Variants in EP400 observed in about 807,000 individuals in gnomAD.
EP400 encodes the protein E1A-binding protein p400.
In EP400, 105 loss-of-function variants were observed where a neutral mutation model predicts 354.1. That is an observed-to-expected ratio of 0.30 (90% CI 0.25 to 0.35). EP400 has a LOEUF of 0.35. EP400 is among the 10% of genes least tolerant of loss of function. The pLI is 1.00. For synonymous variants in EP400, 1,646 were observed against 1,716.9 expected (o/e 0.96, Z 1.02); for missense variants, 3,280 against 4,121.0 (o/e 0.80, Z 5.59).
Position 132,029,647 on chromosome 12 carries a change from T to A in EP400, c.5382-54T>A. 1 of 1,577,214 alleles carries A rather than the reference T, an allele frequency of 6.3e-7. No homozygotes were observed. Among genetic ancestry groups the A allele is most frequent in the Non-Finnish European group, 8.7e-7 (1 of 1,153,538 alleles). On this transcript the variant is annotated intron_variant, in intron 27 of 52. Transcript: ENST00000389561. The surrounding 1 kb of genome is among the most constrained non-coding windows in gnomAD (Gnocchi z 4.7). ...CCCCATCTTTCAGGAGCCCCCATGC[T>A]GGGTGAAGGTGTGTGGCTCCTGGTG... is the stretch of plus-strand genomic sequence containing the variant.
Position 132,005,193 on chromosome 12 carries a change from C to G in EP400, c.2935+9C>G. 2 of 1,553,702 alleles carry G rather than the reference C, an allele frequency of 1.3e-6. No individual in the cohort carries two copies. The highest frequency in any genetic ancestry group is 1.7e-6 in the Non-Finnish European group (2 of 1,146,696). On this transcript the variant is annotated intron_variant, in intron 13 of 52. Coordinates refer to ENST00000389561, the MANE Select transcript of EP400 (RefSeq NM_015409.5). ...CACAAGCGGAGAGGAAGGTGCGCTCCCAGCCTTTGGAAGAATTCAGGGTTA... is the reference window on the plus strand; with the variant it reads ...CACAAGCGGAGAGGAAGGTGCGCTCGCAGCCTTTGGAAGAATTCAGGGTTA...
At chr12:132,071,050 G>A (rs1205555917) in intron 51 of EP400, among the ~76,000 whole-genome samples, 2 of 152,168 alleles carry the variant, frequency 1.3e-5, no homozygotes, top group Non-Finnish European at 2.9e-5. Flanking sequence ...GCCTTACTGT[G>A]CTGGCTGGGA....
At chr12:132,014,746 C>T (rs879303761) in intron 19 of EP400, among the ~76,000 whole-genome samples, 6 of 152,194 alleles carry the variant, frequency 3.9e-5, no homozygotes, top group Non-Finnish European at 7.3e-5. Context: ...CCCCACTCTT[C>T]CCCCAGCCAC....
chr12:131,955,888 C>T (rs1011854862), intron 1 of EP400, among the ~76,000 whole-genome samples: 4 of 152,148 alleles, frequency 2.6e-5, no homozygotes, highest in South Asian at 2.1e-4. Flanking sequence ...TCAGGTGATC[C>T]GCCCGCCTCG....
chr12:131,951,109 G>T (rs1394366127), intron 1 of EP400, among the ~76,000 whole-genome samples: 1 of 145,566 alleles, frequency 6.9e-6, no homozygotes, highest in Non-Finnish European at 1.5e-5. Context: ...GTAGAGACGG[G>T]GTTTCATCAT....
At chr12:132,024,066 A>G (rs946475682) in intron 24 of EP400, 125 bp downstream of exon 24, 2 of 1,080,246 alleles carry the variant, frequency 1.9e-6, no homozygotes, top group Non-Finnish European at 2.5e-6. Context: ...CCGATGATGC[A>G]TCTCACCTCA....
intron 1 of EP400, among the ~76,000 whole-genome samples, chr12:131,952,450 A>G (rs1393481884): frequency 5.3e-5 from 8 of 151,838 alleles, no homozygotes; most frequent in East Asian, 3.9e-4. Flanking sequence ...CCCGGCCCCA[A>G]TAGCTTGTTT....
intron 12 of EP400, among the ~76,000 whole-genome samples, chr12:131,999,202 T>C (rs906790472): frequency 1.4e-4 from 21 of 151,996 alleles, no homozygotes; most frequent in Admixed American, 3.9e-4. Flanking sequence ...GAGCTCTCCG[T>C]GGTGTTTTTC....
At position 132,077,727 on chromosome 12, in the gene EP400, A is replaced by G; in HGVS notation, c.*54A>G. 6.6e-7 allele frequency: 1 copy of G among 1,511,598 alleles called. No individual in the cohort carries two copies. Among genetic ancestry groups the G allele is most frequent in the Non-Finnish European group, 8.8e-7 (1 of 1,133,738 alleles). 93.6% of individuals were successfully genotyped at this position (1,511,598 alleles called of 1,614,324 possible). ...AAGCAAAACTACCTTCCTCACAGAA[A>G]ACGCTTTATTAGTGAACCTTGGGAC... On this transcript the variant is annotated 3_prime_UTR_variant, in exon 53 of 53. Transcript: ENST00000389561.
At chr12:132,056,650 A>C (rs1895526676) in intron 45 of EP400, among the ~76,000 whole-genome samples, 1 of 152,344 alleles carries the variant, frequency 6.6e-6, no homozygotes, top group African/African-American at 2.4e-5. Flanking sequence ...CCAAAACAGT[A>C]GCATTTCTAG....
chr12:131,996,057 T>C (rs1382622316), intron 12 of EP400, among the ~76,000 whole-genome samples: 1 of 152,254 alleles, frequency 6.6e-6, no homozygotes, highest in Non-Finnish European at 1.5e-5. Context: ...GTCCTGAGTT[T>C]CAGCCACAGT....
intron 30 of EP400, among the ~76,000 whole-genome samples, chr12:132,034,978 C>T (rs1363595535): frequency 2.0e-5 from 3 of 152,000 alleles, no homozygotes; most frequent in East Asian, 1.9e-4. Context: ...AGTGGACAGG[C>T]GGGTGATAGA....
chr12:132,006,456 G>T (rs1403471165), intron 14 of EP400, among the ~76,000 whole-genome samples, 154 bp downstream of exon 14: 1 of 152,228 alleles, frequency 6.6e-6, no homozygotes, highest in Admixed American at 6.5e-5. Context: ...TGTAGTCCCA[G>T]CTACTCAGGA....
At chr12:131,970,687 A>C (rs1305150445) in intron 2 of EP400, among the ~76,000 whole-genome samples, 20 of 152,200 alleles carry the variant, frequency 1.3e-4, no homozygotes, top group Non-Finnish European at 2.9e-4. Flanking sequence ...ACACACACCC[A>C]CAGGTGGTGA....
At chr12:131,974,018 T>C (rs1478615145) in intron 2 of EP400, among the ~76,000 whole-genome samples, 1 of 151,108 alleles carries the variant, frequency 6.6e-6, no homozygotes, top group Non-Finnish European at 1.5e-5. Flanking sequence ...AGACAGAGTC[T>C]TGCTCCGTTG....
Position 132,020,225 on chromosome 12 carries a change from T to C in EP400, c.4447+7T>C, listed in dbSNP as rs375377767. On this transcript the variant is annotated splice_region_variant and intron_variant, in intron 22 of 52. Coordinates refer to ENST00000389561, the MANE Select transcript of EP400 (RefSeq NM_015409.5). ...GCCAATCCGGAGGCAAAAGGTAGAC[T>C]TCACGTAGTTGTCTGCTCTCCGCCT... 262 of 1,594,488 alleles carry C rather than the reference T, an allele frequency of 1.6e-4. No homozygotes were observed. Among genetic ancestry groups the C allele is most frequent in the Non-Finnish European group, 1.6e-4 (182 of 1,170,260 alleles).
chr12:131,970,488 A>G (rs1892252087), intron 2 of EP400, among the ~76,000 whole-genome samples: 2 of 152,246 alleles, frequency 1.3e-5, no homozygotes, highest in South Asian at 4.1e-4. Flanking sequence ...ACCAGGACAC[A>G]TGTGCAGTAA....
intron 45 of EP400, among the ~76,000 whole-genome samples, chr12:132,057,530 C>T (rs1242516133): frequency 6.6e-6 from 1 of 152,210 alleles, no homozygotes; most frequent in Non-Finnish European, 1.5e-5. Context: ...GGGGTCATGG[C>T]AGTAGCTACG....
intron 19 of EP400, among the ~76,000 whole-genome samples, chr12:132,016,629 C>T (rs1893943897): frequency 6.6e-6 from 1 of 152,192 alleles, no homozygotes; most frequent in South Asian, 2.1e-4. Flanking sequence ...ACCTTGGCCT[C>T]CCAAAGTGCT....
Sources: gnomAD v4.1 joint callset for allele counts (sites outside exome capture counted in the v4.1 genomes callset) on GRCh38, gnomAD v4.1.1 for gene constraint, Gnocchi (gnomAD v3.1) non-coding constraint, MANE v1.5 for transcripts, NCBI Gene and HGNC (gene_info 2026-07-23, HGNC 2026-07-21) for gene names.